SLC24A3: variants seen among roughly 807,000 people sequenced by gnomAD.
The protein encoded by SLC24A3 is solute carrier family 24 member 3, also known as sodium/potassium/calcium exchanger 3.
In SLC24A3, 28 loss-of-function variants were observed where a neutral mutation model predicts 75.8. The observed-to-expected ratio is 0.37, with a 90% CI of 0.27 to 0.51. The LOEUF is 0.51. Ranked by LOEUF, SLC24A3 falls within the 20% of genes least tolerant of loss-of-function variation. The pLI is 0.94. For missense variants in SLC24A3, 663 were observed against 847.8 expected (o/e 0.78, Z 2.71); for synonymous variants, 372 against 334.1 (o/e 1.11, Z -1.24).
At chr20:19,638,891 G>A (rs150956562) in intron 6 of SLC24A3, among the ~76,000 whole-genome samples, 6,577 of 152,196 alleles carry the variant, frequency 0.043, 498 homozygotes, top group African/African-American at 0.15. Context: ...TGAAGCTGCA[G>A]ACCTTCGCAG....
chr20:19,234,923 G>A lies in SLC24A3; in HGVS notation c.142+21939G>A, dbSNP rs979932980. Among the ~76,000 whole-genome samples the A allele has an allele frequency of 2.0e-5, 3 of 152,290 alleles. No homozygotes were observed. The South Asian group carries it at 6.2e-4, about 32-fold the overall frequency. On this transcript the variant is annotated intron_variant, in intron 1 of 16. Coordinates refer to ENST00000328041, the MANE Select transcript of SLC24A3 (RefSeq NM_020689.4). ...GTCATGAATTCTCTCTTTTCCTCCAGCCTTAGCTGTCACTGGCCTGGAATA... is the reference window on the plus strand; with the variant it reads ...GTCATGAATTCTCTCTTTTCCTCCAACCTTAGCTGTCACTGGCCTGGAATA...
intron 12 of SLC24A3, among the ~76,000 whole-genome samples, chr20:19,686,339 A>G (rs990533111): frequency 2.0e-5 from 3 of 152,178 alleles, no homozygotes; most frequent in Non-Finnish European, 2.9e-5. Context: ...TCCTCTCCCA[A>G]CTGCTGCCTC....
chr20:19,457,155 C>T (rs1245994594), intron 2 of SLC24A3, among the ~76,000 whole-genome samples: 1 of 152,100 alleles, frequency 6.6e-6, no homozygotes, highest in African/African-American at 2.4e-5. Context: ...TAAAGGGAAA[C>T]CCTAATGGCG....
intron 6 of SLC24A3, among the ~76,000 whole-genome samples, chr20:19,607,838 T>C (rs1471898580): frequency 2.6e-5 from 4 of 152,266 alleles, no homozygotes; most frequent in African/African-American, 7.2e-5. Context: ...CACTCTGACG[T>C]TGCCTCTTGC....
intron 6 of SLC24A3, among the ~76,000 whole-genome samples, chr20:19,616,362 T>C (rs770224975): frequency 1.3e-5 from 2 of 152,156 alleles, no homozygotes; most frequent in African/African-American, 2.4e-5. Flanking sequence ...TGCAGGGAGT[T>C]TGTGTGTCAC....
intron 2 of SLC24A3, among the ~76,000 whole-genome samples, chr20:19,377,462 G>T (rs996090435): frequency 5.3e-5 from 8 of 152,144 alleles, no homozygotes; most frequent in African/African-American, 1.9e-4. Flanking sequence ...CATTCTGCAT[G>T]AATTTATTTT....
intron 1 of SLC24A3, among the ~76,000 whole-genome samples, chr20:19,275,626 C>T (rs2295074): frequency 0.17 from 25,454 of 151,966 alleles, 2,966 homozygotes; most frequent in East Asian, 0.56. Flanking sequence ...GCTCTCTAAG[C>T]CCCAGTTGTG....
chr20:19,634,495 T>C (rs2031975551), intron 6 of SLC24A3, among the ~76,000 whole-genome samples: 1 of 152,118 alleles, frequency 6.6e-6, no homozygotes, highest in African/African-American at 2.4e-5. Context: ...TTAATAATAA[T>C]AATACCTCAA....
At position 19,217,272 on chromosome 20, in the gene SLC24A3, G is replaced by A. The variant is rs148784498; in HGVS notation, c.142+4288G>A. Among the ~76,000 whole-genome samples, 317 of 152,354 alleles carry A rather than the reference G, an allele frequency of 2.1e-3. 2 individuals carry two copies. Among genetic ancestry groups the A allele is most frequent in the African/African-American group, 7.4e-3 (309 of 41,588 alleles). Reference sequence around the variant, plus strand: ...ATACCAGCAGTCATTCAGTGGAGGAGTGTAGGGTCACATTATAAGAGCCTC... The same window carrying A: ...ATACCAGCAGTCATTCAGTGGAGGAATGTAGGGTCACATTATAAGAGCCTC... On this transcript the variant is annotated intron_variant, in intron 1 of 16. Transcript: ENST00000328041.
intron 2 of SLC24A3, among the ~76,000 whole-genome samples, chr20:19,301,269 CA>C (rs1984189369): frequency 6.6e-6 from 1 of 152,082 alleles, no homozygotes; most frequent in Admixed American, 6.5e-5. Context: ...AAAGATGTTG[CA>C]AAAATGGAAG....
intron 2 of SLC24A3, among the ~76,000 whole-genome samples, chr20:19,386,772 C>T (rs1170859053): frequency 6.6e-6 from 1 of 152,128 alleles, no homozygotes; most frequent in Non-Finnish European, 1.5e-5. Context: ...CCCACTTGGT[C>T]ATATTACATA....
chr20:19,244,911 C>T (rs1982443134), intron 1 of SLC24A3, among the ~76,000 whole-genome samples: 1 of 152,138 alleles, frequency 6.6e-6, no homozygotes, highest in Non-Finnish European at 1.5e-5. Flanking sequence ...TGCATCTCTC[C>T]TGGTGGCATT....
chr20:19,371,702 G>A (rs1162059612), intron 2 of SLC24A3, among the ~76,000 whole-genome samples: 1 of 152,040 alleles, frequency 6.6e-6, no homozygotes, highest in African/African-American at 2.4e-5. Context: ...TTTGGGGTGG[G>A]ACCCCAGACC....
chr20:19,663,414 T>TCCA (rs2032354648), intron 7 of SLC24A3, among the ~76,000 whole-genome samples: 1 of 54,168 alleles, frequency 1.8e-5, no homozygotes, highest in African/African-American at 1.7e-4. Context: ...CTCCACCTCC[T>TCCA]CCTCCTCCTC....
chr20:19,352,953 G>A (rs1985603453), intron 2 of SLC24A3, among the ~76,000 whole-genome samples: 1 of 152,196 alleles, frequency 6.6e-6, no homozygotes, highest in African/African-American at 2.4e-5. Context: ...TAATGTCATA[G>A]CATAATGCAT....
chr20:19,563,249 TGAG>T (rs1311029808), intron 3 of SLC24A3, among the ~76,000 whole-genome samples: 4 of 152,182 alleles, frequency 2.6e-5, no homozygotes, highest in African/African-American at 9.7e-5. Context: ...CCCCGCCAGC[TGAG>T]ATTTTAAAAT....
At chr20:19,532,908 T>C (rs1314613916) in intron 3 of SLC24A3, among the ~76,000 whole-genome samples, 1 of 152,208 alleles carries the variant, frequency 6.6e-6, no homozygotes, top group Non-Finnish European at 1.5e-5. Context: ...ATTTAATAAC[T>C]GGAGGCAACA....
intron 1 of SLC24A3, among the ~76,000 whole-genome samples, chr20:19,257,438 G>T (rs935114227): frequency 1.3e-5 from 2 of 152,230 alleles, no homozygotes; most frequent in African/African-American, 2.4e-5. Context: ...AGGTGCTTGG[G>T]TTTCTCATAT....
At chr20:19,267,288 T>C (rs1600401483) in intron 1 of SLC24A3, among the ~76,000 whole-genome samples, 1 of 152,354 alleles carries the variant, frequency 6.6e-6, no homozygotes, top group East Asian at 1.9e-4. Flanking sequence ...TTAATGGCTG[T>C]CCTACTTGTA....
Sources: gnomAD v4.1 joint callset for allele counts (sites outside exome capture counted in the v4.1 genomes callset) on GRCh38, gnomAD v4.1.1 for gene constraint, MANE v1.5 for transcripts, NCBI Gene and HGNC (gene_info 2026-07-23, HGNC 2026-07-21) for gene names.